The following ZNF487 variants were observed in gnomAD, a reference collection of about 807,000 sequenced individuals.
The protein encoded by ZNF487 is KRAB domain only 1.
ZNF487 carries 4 observed loss-of-function variants against 3.0 expected under a neutral mutation model. The observed-to-expected ratio is 1.35, with a 90% CI of 0.66 to 3.08. The LOEUF (loss-of-function observed/expected upper bound fraction) is 3.08. ZNF487 is among the 30% of genes most tolerant of loss of function. The probability of loss-of-function intolerance (pLI) is 0.01; values close to 1 mark genes in which losing one functional copy is unlikely to be tolerated. For missense variants in ZNF487, 146 were observed against 98.7 expected (o/e 1.48, Z -2.03); for synonymous variants, 55 against 34.6 (o/e 1.59, Z -2.06).
chr10:43,483,431 G>C (rs1841436983), downstream of ZNF487, among the ~76,000 whole-genome samples: 1 of 151,816 alleles, frequency 6.6e-6, no homozygotes, highest in South Asian at 2.1e-4. Context: ...GTAGAGACGG[G>C]GTTTCACCAT....
At chr10:43,501,788 C>CAT in the ZNF487 span, among the ~76,000 whole-genome samples, 1 of 148,288 alleles carries the variant, frequency 6.7e-6, no homozygotes, top group African/African-American at 2.5e-5. Context: ...TTTAACTTTC[C>CAT]TTTTTTTTTT....
chr10:43,512,444 T>C, the ZNF487 span, among the ~76,000 whole-genome samples: 73 of 152,332 alleles, frequency 4.8e-4, 1 homozygote, highest in East Asian at 0.01. Flanking sequence ...CAGTTCATAA[T>C]AGGCAGTTCA....
chr10:43,446,971 G>A (rs1421317454), intron 1 of ZNF487, among the ~76,000 whole-genome samples: 8 of 152,088 alleles, frequency 5.3e-5, no homozygotes, highest in Non-Finnish European at 8.8e-5. Context: ...GCAGGCAGAT[G>A]ACTCGAGGTC....
chr10:43,442,874 G>A (rs930607346), intron 1 of ZNF487, among the ~76,000 whole-genome samples: 3 of 152,168 alleles, frequency 2.0e-5, no homozygotes, highest in Non-Finnish European at 4.4e-5. Context: ...AAATTGGAAT[G>A]ATACAGAGAT....
At chr10:43,444,149 G>A (rs989063339) in intron 1 of ZNF487, among the ~76,000 whole-genome samples, 2 of 152,080 alleles carry the variant, frequency 1.3e-5, no homozygotes, top group African/African-American at 4.8e-5. Flanking sequence ...CACCGCGCCC[G>A]GCTCCTAAAA....
intron 1 of ZNF487, among the ~76,000 whole-genome samples, chr10:43,437,960 G>T (rs1839445807): frequency 6.6e-6 from 1 of 151,814 alleles, no homozygotes; most frequent in Non-Finnish European, 1.5e-5. Context: ...CAAAGTGCGG[G>T]GATTACAGGC....
chr10:43,512,611 A>C, the ZNF487 span, among the ~76,000 whole-genome samples: 2 of 152,154 alleles, frequency 1.3e-5, no homozygotes, highest in South Asian at 4.1e-4. Context: ...TGATTCACCT[A>C]TGGGGGCCTG....
At chr10:43,493,928 G>A in the ZNF487 span, among the ~76,000 whole-genome samples, 2 of 151,228 alleles carry the variant, frequency 1.3e-5, no homozygotes, top group Non-Finnish European at 2.9e-5. Context: ...TCCTTTGGGA[G>A]GCTAAGGCAG....
chr10:43,490,111 G>T, the ZNF487 span, among the ~76,000 whole-genome samples: 4 of 152,198 alleles, frequency 2.6e-5, no homozygotes, highest in Admixed American at 6.5e-5. Flanking sequence ...CACTTTGAGA[G>T]GCCGAAGGCG....
At chr10:43,453,455 TGGTG>T (rs1840071289) in intron 1 of ZNF487, 2 of 152,214 alleles carry the variant, frequency 1.3e-5, no homozygotes, top group Admixed American at 1.3e-4. Context: ...GGCATTTTAA[TGGTG>T]GGGACAGGGG....
At chr10:43,503,345 G>A in the ZNF487 span, among the ~76,000 whole-genome samples, 36 of 152,268 alleles carry the variant, frequency 2.4e-4, 1 homozygote, top group South Asian at 7.0e-3. Flanking sequence ...TTTTTGTACA[G>A]CTATACAATG....
chr10:43,504,276 G>T, the ZNF487 span, among the ~76,000 whole-genome samples: 128 of 139,156 alleles, frequency 9.2e-4, no homozygotes, highest in East Asian at 0.011. Flanking sequence ...TTAGATACAT[G>T]TTTTCTTTCT....
chr10:43,511,100 C>T, the ZNF487 span, among the ~76,000 whole-genome samples: 11 of 152,322 alleles, frequency 7.2e-5, no homozygotes, highest in Middle Eastern at 3.4e-3. Flanking sequence ...ACCCATGAAT[C>T]CTGGCTATGG....
chr10:43,446,458 G>A (rs1839806749), intron 1 of ZNF487, among the ~76,000 whole-genome samples: 1 of 150,090 alleles, frequency 6.7e-6, no homozygotes, highest in African/African-American at 2.5e-5. Flanking sequence ...CCGGGCAGAG[G>A]CGCTCCTCAC....
rs150113681 is a variant in ZNF487, at chr10:43,440,238, C to T, written c.-94+2976C>T. On this transcript the variant is annotated intron_variant, in intron 1 of 3. Transcript: ENST00000437590. Reference sequence around the variant, plus strand: ...TAATTTTTTATATTTTTAGTAGAGACGGGCTTTTGGCATGTTGGCCAGGCT... The same window carrying T: ...TAATTTTTTATATTTTTAGTAGAGATGGGCTTTTGGCATGTTGGCCAGGCT... 3.1e-3 allele frequency among the ~76,000 whole-genome samples: 474 copies of T among 151,800 alleles called. 1 individual carries two copies. Among genetic ancestry groups the T allele is most frequent in the Admixed American group, 9.6e-3 (146 of 15,258 alleles).
At chr10:43,512,870 CTT>C in the ZNF487 span, among the ~76,000 whole-genome samples, 2 of 13,178 alleles carry the variant, frequency 1.5e-4, no homozygotes, top group Non-Finnish European at 7.5e-4. Flanking sequence ...GGCATTGTGC[CTT>C]TCTTGGTTGA....
intron 3 of ZNF487, among the ~76,000 whole-genome samples, 155 bp from the exon 4 acceptor site, chr10:43,481,274 T>G (rs1019549267): frequency 7.3e-5 from 11 of 150,376 alleles, no homozygotes; most frequent in African/African-American, 2.7e-4. Context: ...GAGGCTGCAG[T>G]GAGCCATGAT....
intron 1 of ZNF487, among the ~76,000 whole-genome samples, chr10:43,444,691 C>T (rs1839737158): frequency 6.6e-6 from 1 of 152,118 alleles, no homozygotes; most frequent in African/African-American, 2.4e-5. Flanking sequence ...ATCTCAGCAT[C>T]CCAAGTGGCT....
chr10:43,517,880 G>GA, the ZNF487 span, among the ~76,000 whole-genome samples: 1 of 152,168 alleles, frequency 6.6e-6, no homozygotes, highest in African/African-American at 2.4e-5. Context: ...GAGATTAACT[G>GA]AACAGAAATA....
Sources: allele counts gnomAD v4.1 joint callset (sites outside exome capture counted in the v4.1 genomes callset), GRCh38; gene constraint gnomAD v4.1.1; transcripts MANE v1.5; gene names NCBI Gene and HGNC (gene_info 2026-07-23, HGNC 2026-07-21).